SERAC1: variants seen among roughly 807,000 people sequenced by gnomAD.
The protein encoded by SERAC1 is protein SERAC1.
In SERAC1, 36 loss-of-function variants were observed where a neutral mutation model predicts 85.7. The observed-to-expected ratio is 0.42, with a 90% confidence interval of 0.32 to 0.55. The LOEUF is 0.55. Ranked by LOEUF, SERAC1 falls within the 20% of genes least tolerant of loss-of-function variation. SERAC1 has a pLI of 0.11. For synonymous variants in SERAC1, 242 were observed against 265.3 expected (o/e 0.91, Z 0.85); for missense variants, 629 against 796.2 (o/e 0.79, Z 2.53).
intron 13 of SERAC1, chr6:158,116,542 T>C (rs1784295118): frequency 1.3e-5 from 5 of 388,136 alleles, no homozygotes; most frequent in Non-Finnish European, 2.4e-5. Context: ...CTGGGATCTC[T>C]CTGCTCAATT....
Position 158,144,393 on chromosome 6 carries a change from G to A in SERAC1, c.515C>T (p.Ala172Val). The change falls in exon 7 of 17, where the codon GCC becomes GTC. Residue 172 changes from alanine to valine, a missense_variant. Physicochemically the swap from Ala to Val is moderately conservative, Grantham distance 64 (BLOSUM62 0). Coordinates refer to ENST00000647468, the MANE Select transcript of SERAC1 (RefSeq NM_032861.4). ...ACCAATAAGAGTTTTCGGATCACAG[G>A]CTTGAGCAATTATCCTATACTGGTA... ...HDYQYRIIAQACDPKTLIGLA... is the reference protein window; with the variant it reads ...HDYQYRIIAQVCDPKTLIGLA... The A allele has an allele frequency of 6.2e-7, 1 of 1,612,260 alleles. No individual in the cohort carries two copies. The highest frequency in any genetic ancestry group is 1.1e-5 in the South Asian group (1 of 90,694).
intron 2 of SERAC1, among the ~76,000 whole-genome samples, chr6:158,156,813 T>A (rs989793336): frequency 7.2e-6 from 1 of 138,254 alleles, no homozygotes; most frequent in Non-Finnish European, 1.5e-5. Flanking sequence ...ATAATATATT[T>A]ATATAATATA....
chr6:158,156,647 G>A (rs1785339752), intron 2 of SERAC1, among the ~76,000 whole-genome samples: 1 of 150,134 alleles, frequency 6.7e-6, no homozygotes, highest in African/African-American at 2.4e-5. Flanking sequence ...CTGGACTCAA[G>A]CTTCTGTTAC....
rs1381611636 is a variant in SERAC1, at chr6:158,117,626, T to C, written c.1403+101A>G. Reference sequence around the variant, plus strand: ...GTTTGTTCTTCATAAGAAAATCCTGTCTGTGGCATCAAAAAATTAAAATCA... The same window carrying C: ...GTTTGTTCTTCATAAGAAAATCCTGCCTGTGGCATCAAAAAATTAAAATCA... On this transcript the variant is annotated intron_variant, in intron 13 of 16. Coordinates refer to ENST00000647468, the MANE Select transcript of SERAC1 (RefSeq NM_032861.4). This position sits in a 1 kb window ranked among gnomAD's most constrained non-coding sequence, Gnocchi z 4.3. 3.8e-6 allele frequency: 6 copies of C among 1,585,268 alleles called. No individual in the cohort carries two copies. The highest frequency in any genetic ancestry group is 1.7e-4 in the Middle Eastern group (1 of 6,034).
At chr6:158,129,391 ATG>A (rs1007545836) in intron 9 of SERAC1, among the ~76,000 whole-genome samples, 4 of 152,232 alleles carry the variant, frequency 2.6e-5, no homozygotes, top group African/African-American at 9.6e-5. Flanking sequence ...GTTTGTCTTG[ATG>A]TGGGACAGAT....
chr6:158,137,019 A>G (rs1784809984), intron 8 of SERAC1, among the ~76,000 whole-genome samples: 1 of 151,982 alleles, frequency 6.6e-6, no homozygotes, highest in African/African-American at 2.4e-5. Context: ...TCAGCTGGGC[A>G]TGGTGGCTCG....
intron 7 of SERAC1, 79 bp downstream of exon 7, chr6:158,144,216 TAAAG>T: frequency 9.2e-7 from 1 of 1,089,638 alleles, no homozygotes; most frequent in Non-Finnish European, 1.3e-6. Flanking sequence ...ACTACTTTTT[TAAAG>T]TGTTTTGTAC....
Position 158,109,588 on chromosome 6 carries a change from T to C in SERAC1, c.*1778A>G, listed in dbSNP as rs899043737. Reference sequence around the variant, plus strand: ...CATACTCCAGTTTTAGCTTCGACTATCTCATTCTACAAAAGTTCACCATCT... The same window carrying C: ...CATACTCCAGTTTTAGCTTCGACTACCTCATTCTACAAAAGTTCACCATCT... On this transcript the variant is annotated 3_prime_UTR_variant, in exon 17 of 17. Transcript: ENST00000647468. 2 of 152,188 alleles carry C rather than the reference T, an allele frequency of 1.3e-5. No homozygotes were observed. The highest frequency in any genetic ancestry group is 3.8e-4 in the East Asian group (2 of 5,196). The allele number at this position is 152,188 out of a possible 1,614,324, so 9.4% of individuals were successfully genotyped here.
chr6:158,162,458 A>G (rs1437543911), intron 1 of SERAC1, among the ~76,000 whole-genome samples: 2 of 152,120 alleles, frequency 1.3e-5, no homozygotes, highest in Non-Finnish European at 2.9e-5. Flanking sequence ...GTTTGTTTTT[A>G]TATACCCCAC....
At chr6:158,153,207 T>C (rs1393390272) in intron 3 of SERAC1, among the ~76,000 whole-genome samples, 2 of 152,242 alleles carry the variant, frequency 1.3e-5, no homozygotes, top group Non-Finnish European at 2.9e-5. Flanking sequence ...TTCATATCAA[T>C]GGAATCACAC....
intron 5 of SERAC1, among the ~76,000 whole-genome samples, chr6:158,147,822 T>TCTAGATTCA (rs1235103993): frequency 1.4e-5 from 2 of 142,378 alleles, no homozygotes; most frequent in Non-Finnish European, 3.0e-5. Flanking sequence ...ATACATCACA[T>TCTAGATTCA]CTAGATTCAA....
At chr6:158,159,628 CT>C (rs201267756) in intron 1 of SERAC1, among the ~76,000 whole-genome samples, 476 of 143,140 alleles carry the variant, frequency 3.3e-3, no homozygotes, top group Non-Finnish European at 4.7e-3. Flanking sequence ...TTAAGATTAT[CT>C]TTTTTTTTTT....
Position 158,111,379 on chromosome 6 carries a change from T to G in SERAC1, c.1952A>C (p.Asp651Ala). Residue 651 changes from aspartate (D) to alanine (A), a missense_variant, in exon 17 of 17, where the codon GAC becomes GCC. Coordinates refer to ENST00000647468, the MANE Select transcript of SERAC1 (RefSeq NM_032861.4). ...AGAGCACAACTGTTAGTTTTCAAGG[T>G]CTTTGGCTAAAGCTTCACGAATGAA... is the stretch of plus-strand genomic sequence containing the variant. ...LQFIREALAK[D>A]LEN 1 of 1,593,888 alleles carries G rather than the reference T, an allele frequency of 6.3e-7. No individual in the cohort carries two copies. Among genetic ancestry groups the G allele is most frequent in the Non-Finnish European group, 8.5e-7 (1 of 1,174,380 alleles).
Position 158,120,662 on chromosome 6 carries a change from G to A in SERAC1, c.1016-87C>T, listed in dbSNP as rs1379659802. On this transcript the variant is annotated intron_variant, in intron 10 of 16. Transcript: ENST00000647468. The surrounding 1 kb of genome is among the most constrained non-coding windows in gnomAD (Gnocchi z 4.4). ...TGAGGTTTCAAACTGAATATGATGG[G>A]AGAAAGGCAAACCTTGCGTGTCTGT... 7.1e-7 allele frequency: 1 copy of A among 1,411,492 alleles called. No homozygotes were observed. The highest frequency in any genetic ancestry group is 9.6e-7 in the Non-Finnish European group (1 of 1,044,630). 87.4% of individuals were successfully genotyped at this position (1,411,492 alleles called of 1,614,324 possible). A position where few individuals can be genotyped will look rare whatever the true frequency, so the allele number is the denominator to read the frequency against.
intron 3 of SERAC1, among the ~76,000 whole-genome samples, chr6:158,153,804 G>T (rs1785260413): frequency 6.6e-6 from 1 of 152,050 alleles, no homozygotes. Flanking sequence ...ATACTAGCTA[G>T]CACCAGAGGA....
In SERAC1 at chr6:158,110,820, A is replaced by C. The variant is rs1307275199; in HGVS notation, c.*546T>G. On this transcript the variant is annotated 3_prime_UTR_variant, in exon 17 of 17. Transcript: ENST00000647468. ...AAGGAACTGACCCAGACATGACAAT[A>C]AGTCTAACAAAGTTAACACTAGTAA... The C allele has an allele frequency of 1.3e-5, 2 of 152,240 alleles. No homozygotes were observed. The highest frequency in any genetic ancestry group is 3.8e-4 in the East Asian group (2 of 5,198). The allele number at this position is 152,240 out of a possible 1,614,324, so 9.4% of individuals were successfully genotyped here.
intron 8 of SERAC1, among the ~76,000 whole-genome samples, chr6:158,138,287 T>C (rs1784839424): frequency 6.6e-6 from 1 of 151,794 alleles, no homozygotes; most frequent in Non-Finnish European, 1.5e-5. Flanking sequence ...ACAAAAAAAT[T>C]AGCCTAGTGT....
At chr6:158,114,340 G>T in intron 15 of SERAC1, 1 of 269,552 alleles carries the variant, frequency 3.7e-6, no homozygotes, top group Non-Finnish European at 5.7e-6. Context: ...ATTTAGGCTC[G>T]AGCCAGGGAA....
At position 158,114,554 on chromosome 6, in the gene SERAC1, G is replaced by GTAT. The variant is rs1447153452; in HGVS notation, c.1684+232_1684+234dup. 4.2e-6 allele frequency: 5 copies of GTAT among 1,200,600 alleles called. No individual in the cohort carries two copies. In the African/African-American group the frequency reaches 6.3e-5, roughly 15 times the overall value. 74.4% of individuals were successfully genotyped at this position (1,200,600 alleles called of 1,614,324 possible). A position where few individuals can be genotyped will look rare whatever the true frequency, so the allele number is the denominator to read the frequency against. On this transcript the variant is annotated intron_variant, in intron 15 of 16. Coordinates refer to ENST00000647468, the MANE Select transcript of SERAC1 (RefSeq NM_032861.4). ...TATCTGATTATTTTTCTAATTTTAA[G>GTAT]TATTTAAGATAATATTAAAATTATT...
Sources: gnomAD v4.1 joint callset for allele counts (sites outside exome capture counted in the v4.1 genomes callset) on GRCh38, gnomAD v4.1.1 for gene constraint, Gnocchi (gnomAD v3.1) non-coding constraint, MANE v1.5 for transcripts, NCBI Gene and HGNC (gene_info 2026-07-23, HGNC 2026-07-21) for gene names.